MAN2A2: variants seen among roughly 807,000 people sequenced by gnomAD.
MAN2A2 encodes the protein mannosidase alpha class 2A member 2, also known as alpha-mannosidase 2x.
MAN2A2 carries 79 observed loss-of-function variants against 126.8 expected under a neutral mutation model. The ratio of observed to expected loss-of-function variants is 0.62; its 90% CI spans 0.52 to 0.75. The LOEUF (loss-of-function observed/expected upper bound fraction) is 0.75. Ranked by LOEUF, MAN2A2 falls within the 30% of genes least tolerant of loss-of-function variation. The pLI is 0.00. For missense variants in MAN2A2, 1,392 were observed against 1,522.4 expected (o/e 0.91, Z 1.43); for synonymous variants, 671 against 618.7 (o/e 1.08, Z -1.25).
At chr15:90,909,539 A>G in intron 9 of MAN2A2, 35 bp downstream of exon 9, 1 of 1,588,156 alleles carries the variant, frequency 6.3e-7, no homozygotes, top group Non-Finnish European at 8.6e-7. Flanking sequence ...GGGGCCTCAC[A>G]GTGCTGCAGC....
intron 4 of MAN2A2, 58 bp from the exon 5 acceptor site, chr15:90,905,787 G>C: frequency 6.3e-7 from 1 of 1,598,708 alleles, no homozygotes; most frequent in Non-Finnish European, 8.5e-7. Context: ...GCCAATACAA[G>C]GGAGGGACGT....
intron 9 of MAN2A2, 101 bp downstream of exon 9, chr15:90,909,605 C>CTTTT: frequency 5.9e-5 from 50 of 848,890 alleles, no homozygotes; most frequent in Admixed American, 2.3e-4. Flanking sequence ...GGGTGCCCCC[C>CTTTT]TTTTTTTTTT....
intron 7 of MAN2A2, 139 bp downstream of exon 7, chr15:90,907,052 C>T (rs2034354151): frequency 1.7e-6 from 2 of 1,153,626 alleles, no homozygotes; most frequent in African/African-American, 1.5e-5. Flanking sequence ...ATGGTCGCAC[C>T]CTCTGGTTAG....
chr15:90,918,161 GTC>G (rs150899738), intron 20 of MAN2A2, 31 bp from the exon 21 acceptor site: 19 of 1,596,734 alleles, frequency 1.2e-5, no homozygotes, highest in African/African-American at 2.7e-5. Flanking sequence ...CCTGGCTTTG[GTC>G]CCTCACCAAT....
In MAN2A2 at chr15:90,906,730, C is replaced by T. The variant is rs1391441851; in HGVS notation, c.836-10C>T. 1.2e-6 allele frequency: 2 copies of T among 1,609,914 alleles called. No homozygotes were observed. The highest frequency in any genetic ancestry group is 3.3e-5 in the Admixed American group (2 of 59,948). On this transcript the variant is annotated splice_polypyrimidine_tract_variant and intron_variant, in intron 6 of 22. Coordinates refer to ENST00000559717, the MANE Select transcript of MAN2A2 (RefSeq NM_006122.4). The stretch of plus-strand genomic sequence containing the variant: ...GTTCAGGGCCTCTCTGGCTTCCATG[C>T]CCTGCCCAGGTGCAACCCCCCGCTC...
rs1010551661 is a variant in MAN2A2 at position 90,907,616 on chromosome 15, A to G, written c.1196+121A>G. 7 of 880,624 alleles carry G rather than the reference A, an allele frequency of 7.9e-6. No individual in the cohort carries two copies. The African/African-American group carries it at 1.0e-4, about 13-fold the overall frequency. The allele number at this position is 880,624 out of a possible 1,614,324, so 54.6% of individuals were successfully genotyped here. On this transcript the variant is annotated intron_variant, in intron 8 of 22. Transcript: ENST00000559717. ...TGAGGCTCCTAGCCTCTGCAGCAGCAGCTCCTTACTAAGTCTCCTGAAAAA... is the reference window on the plus strand; with the variant it reads ...TGAGGCTCCTAGCCTCTGCAGCAGCGGCTCCTTACTAAGTCTCCTGAAAAA...
At chr15:90,914,345 G>A (rs868364630) in intron 19 of MAN2A2, among the ~76,000 whole-genome samples, 1 of 152,264 alleles carries the variant, frequency 6.6e-6, no homozygotes, top group East Asian at 1.9e-4. Context: ...AAGGCAAGAA[G>A]CATCAGGGTA....
At position 90,918,696 on chromosome 15, in the gene MAN2A2, TTTGACTGCG is replaced by T. The variant is rs1408942528; in HGVS notation, c.3242_3250del (p.Phe1081_Gly1084delinsCys). 6.6e-7 allele frequency: 1 copy of T among 1,521,720 alleles called. No individual in the cohort carries two copies. Among genetic ancestry groups the T allele is most frequent in the Non-Finnish European group, 9.1e-7 (1 of 1,096,406 alleles). The allele number at this position is 1,521,720 out of a possible 1,614,324, so 94.3% of individuals were successfully genotyped here. On this transcript the variant is annotated inframe_deletion, in exon 22 of 23. Transcript: ENST00000559717. ...CGCACTCATCTTACACCGCAAGGGTTTTGACTGCGGCCTGGAGGCCAAGAACTTGGGCTT... is the reference window on the plus strand; with the variant it reads ...CGCACTCATCTTACACCGCAAGGGTTGCCTGGAGGCCAAGAACTTGGGCTT...
chr15:90,911,602 C>G (rs1190716958), intron 14 of MAN2A2, 52 bp downstream of exon 14: 2 of 1,544,954 alleles, frequency 1.3e-6, no homozygotes, highest in Non-Finnish European at 1.7e-6. Flanking sequence ...TCGTGGGCCC[C>G]TCCCCGCCCG....
rs1006461521 is a variant in MAN2A2 at position 90,918,100 on chromosome 15, A to G, written c.2995-94A>G. ...CAGGCACACCAGGAAAGGTCTTTCC[A>G]AAACAACTGACCTGGGTGTGCTTTT... On this transcript the variant is annotated intron_variant, in intron 20 of 22. Transcript: ENST00000559717. The G allele has an allele frequency of 3.1e-6, 4 of 1,272,710 alleles. No individual in the cohort carries two copies. The Admixed American group carries it at 7.9e-5, about 25-fold the overall frequency. The allele number at this position is 1,272,710 out of a possible 1,614,324, so 78.8% of individuals were successfully genotyped here.
At chr15:90,919,606 C>T in intron 22 of MAN2A2, 29 bp from the exon 23 acceptor site, 20 of 1,610,344 alleles carry the variant, frequency 1.2e-5, no homozygotes, top group Non-Finnish European at 1.4e-5. Context: ...GCACCTAGCA[C>T]AACCCTGCCC....
intron 20 of MAN2A2, chr15:90,916,534 C>T: frequency 7.1e-7 from 1 of 1,417,260 alleles, no homozygotes; most frequent in Non-Finnish European, 9.4e-7. Context: ...CCAGCATTCT[C>T]TAAGCCTGTG....
rs780836128 is a variant in MAN2A2, at chr15:90,910,546, C to T, written c.1623C>T (p.Arg541=). The T allele has an allele frequency of 6.2e-7, 1 of 1,614,130 alleles. No homozygotes were observed. The highest frequency in any genetic ancestry group is 2.2e-5 in the East Asian group (1 of 44,888). Residue 541 remains arginine, a synonymous_variant, in exon 11 of 23, where the codon CGC becomes CGT. Transcript: ENST00000559717. ...LYSLAAAHAR[R]SGLAGRYPLS... ...GCCTGGCTGCAGCTCACGCTCGCCG[C>T]TCTGGTCTGGCTGGCCGGTACCCAC...
chr15:90,905,292 G>T lies in MAN2A2; in HGVS notation c.174G>T (p.Glu58Asp), dbSNP rs777536263. Residue 58 changes from glutamate to aspartate, a missense_variant, in exon 3 of 23, where the codon GAG becomes GAT. Glu to Asp is a conservative substitution (Grantham distance 45). Transcript: ENST00000559717. ...SVLQNRIEQL[E>D]QLLEENHEII... ...TGCAGAACCGCATTGAGCAGCTGGA[G>T]CAGCTTTTGGAGGAGAACCATGAGA... The T allele has an allele frequency of 6.2e-7, 1 of 1,613,796 alleles. No individual in the cohort carries two copies. The highest frequency in any genetic ancestry group is 8.5e-7 in the Non-Finnish European group (1 of 1,180,032).
chr15:90,918,420 C>T (rs747227333), intron 21 of MAN2A2, 32 bp downstream of exon 21: 8 of 1,597,516 alleles, frequency 5.0e-6, no homozygotes, highest in Non-Finnish European at 6.8e-6. Context: ...ATGCTGAGAG[C>T]AGAGTTCTGA....
chr15:90,909,573 C>A, intron 9 of MAN2A2, 69 bp downstream of exon 9: 1 of 1,462,690 alleles, frequency 6.8e-7, no homozygotes, highest in South Asian at 1.4e-5. Context: ...TGAGACCGTG[C>A]CCTGGGTTCC....
chr15:90,905,808 G>A (rs1362773244), intron 4 of MAN2A2, 37 bp from the exon 5 acceptor site: 1 of 1,583,114 alleles, frequency 6.3e-7, no homozygotes, highest in South Asian at 1.1e-5. Flanking sequence ...CGAAGAAGAT[G>A]GTGGCATCCT....
intron 1 of MAN2A2, chr15:90,903,944 CT>C: frequency 1.9e-6 from 1 of 522,826 alleles, no homozygotes; most frequent in South Asian, 1.9e-5. Flanking sequence ...CCAGTCGGAG[CT>C]GGGACTCTTA....
chr15:90,914,312 G>C (rs2035003336), intron 19 of MAN2A2, among the ~76,000 whole-genome samples: 1 of 152,118 alleles, frequency 6.6e-6, no homozygotes, highest in African/African-American at 2.4e-5. Flanking sequence ...CCTGGTGACA[G>C]AGCAAGACCC....
Sources: gnomAD v4.1 joint callset for allele counts (sites outside exome capture counted in the v4.1 genomes callset) on GRCh38, gnomAD v4.1.1 for gene constraint, MANE v1.5 for transcripts, NCBI Gene and HGNC (gene_info 2026-07-23, HGNC 2026-07-21) for gene names.